The following CNOT4 variants were observed in gnomAD, a reference collection of about 807,000 sequenced individuals.
The protein encoded by CNOT4 is CCR4-associated factor 4.
CNOT4 carries 8 observed loss-of-function variants against 73.8 expected under a neutral mutation model. That is an observed-to-expected ratio of 0.11 (90% CI 0.06 to 0.20). The LOEUF is 0.20. CNOT4 is among the 10% of genes least tolerant of loss of function. The pLI, the probability that CNOT4 is intolerant of heterozygous loss-of-function variation, is 1.00. For missense variants in CNOT4, 564 were observed against 883.4 expected, an observed-to-expected ratio of 0.64 and a Z score of 4.58; for synonymous variants, 293 against 321.1, an observed-to-expected ratio of 0.91 and a Z score of 0.94.
At chr7:135,367,116 C>T (rs1349298247) in intron 10 of CNOT4, among the ~76,000 whole-genome samples, 1 of 152,062 alleles carries the variant, frequency 6.6e-6, no homozygotes, top group Non-Finnish European at 1.5e-5. Flanking sequence ...GTACCAACTC[C>T]CCAGTTTTGA....
chr7:135,478,572 C>T (rs1031892905), intron 1 of CNOT4, among the ~76,000 whole-genome samples: 1 of 151,990 alleles, frequency 6.6e-6, no homozygotes, highest in Non-Finnish European at 1.5e-5. Context: ...CATGGTGGCA[C>T]GTGCCTGTGG....
Position 135,394,116 on chromosome 7 carries a change from G to A in CNOT4, c.1429C>T (p.Pro477Ser), listed in dbSNP as rs757791803. The change falls in exon 10 of 12, where the codon CCT (proline) becomes TCT (serine). Residue 477 changes from proline (P) to serine (S), a missense_variant. Pro to Ser is a moderately conservative substitution (Grantham distance 74, BLOSUM62 -1). Transcript: ENST00000541284. The stretch of plus-strand genomic sequence containing the variant: ...ACCGCTCGGTGCTGCTGAAATTGAG[G>A]GAACCTCTGGGGCAAGACTGAAAAG... Reference protein sequence around the residue: ...STFSVLPQRFPQFQQHRAVYN... With the variant: ...STFSVLPQRFSQFQQHRAVYN... 5.6e-6 allele frequency: 9 copies of A among 1,614,160 alleles called. No homozygotes were observed. The highest frequency in any genetic ancestry group is 3.3e-5 in the Admixed American group (2 of 60,024).
chr7:135,488,343 C>T (rs964110699), intron 1 of CNOT4, among the ~76,000 whole-genome samples: 14 of 152,240 alleles, frequency 9.2e-5, no homozygotes, highest in South Asian at 2.1e-4. Flanking sequence ...GCAAGACAAT[C>T]GTACCACTAC....
chr7:135,438,868 G>A (rs1009096518), intron 1 of CNOT4, among the ~76,000 whole-genome samples: 5 of 152,114 alleles, frequency 3.3e-5, no homozygotes, highest in Non-Finnish European at 1.5e-5. Context: ...ATAGTTACAT[G>A]TTAACATCAA....
chr7:135,448,951 G>T (rs1011305275), intron 1 of CNOT4, among the ~76,000 whole-genome samples: 1 of 152,028 alleles, frequency 6.6e-6, no homozygotes, highest in African/African-American at 2.4e-5. Flanking sequence ...AAGCCTCAGA[G>T]AAATATGAAA....
chr7:135,442,141 T>C (rs1257135338), intron 1 of CNOT4, among the ~76,000 whole-genome samples: 1 of 152,202 alleles, frequency 6.6e-6, no homozygotes, highest in African/African-American at 2.4e-5. Flanking sequence ...CACAAACTTT[T>C]AGGGAATTTC....
intron 10 of CNOT4, among the ~76,000 whole-genome samples, chr7:135,393,213 C>G (rs562750710): frequency 4.6e-5 from 7 of 152,234 alleles, no homozygotes; most frequent in Non-Finnish European, 1.5e-5. Context: ...AGTTCTGAAA[C>G]CTTCAAGGGT....
At chr7:135,456,058 G>C (rs1800512391) in intron 1 of CNOT4, among the ~76,000 whole-genome samples, 1 of 152,188 alleles carries the variant, frequency 6.6e-6, no homozygotes, top group South Asian at 2.1e-4. Context: ...CATTTTTGTT[G>C]AAGGGCTAAA....
chr7:135,419,104 C>T (rs1798032802), intron 3 of CNOT4, among the ~76,000 whole-genome samples: 1 of 151,504 alleles, frequency 6.6e-6, no homozygotes, highest in Admixed American at 6.6e-5. Flanking sequence ...ATCATCATTA[C>T]CTCTATCGTT....
In CNOT4 at chr7:135,413,422, T is replaced by G. The variant is rs550695745; in HGVS notation, c.687+66A>C. On this transcript the variant is annotated intron_variant, in intron 6 of 11. Coordinates refer to ENST00000541284, the MANE Select transcript of CNOT4 (RefSeq NM_001190850.2). ...AAATCCTTAGTTTTTGCTTTTGCAA[T>G]GTTAACTAATAAAAAAAAAAGTACT... 279 of 1,566,468 alleles carry G rather than the reference T, an allele frequency of 1.8e-4. No homozygotes were observed. In the African/African-American group the frequency reaches 3.5e-3, roughly 20 times the overall value.
rs371680830 is a variant in CNOT4, at chr7:135,503,142, G to A, written c.-93+6747C>T. 2.7e-4 allele frequency among the ~76,000 whole-genome samples: 41 copies of A among 150,472 alleles called. No individual in the cohort carries two copies. The East Asian group carries it at 4.3e-3, about 16-fold the overall frequency. Reference sequence around the variant, plus strand: ...CCACTTTAGCCTGGGTGACAGAGTCGGACACCATCTCAAAATAAATAAATA... The same window carrying A: ...CCACTTTAGCCTGGGTGACAGAGTCAGACACCATCTCAAAATAAATAAATA... On this transcript the variant is annotated intron_variant, in intron 1 of 11. Coordinates refer to ENST00000541284, the MANE Select transcript of CNOT4 (RefSeq NM_001190850.2).
chr7:135,390,079 G>T (rs1393320351), intron 10 of CNOT4, among the ~76,000 whole-genome samples: 2 of 152,008 alleles, frequency 1.3e-5, no homozygotes, highest in African/African-American at 2.4e-5. Flanking sequence ...GTAACAATAG[G>T]CCATATACCC....
intron 1 of CNOT4, among the ~76,000 whole-genome samples, chr7:135,440,195 T>C (rs796357849): frequency 1.1e-3 from 129 of 112,264 alleles, no homozygotes; most frequent in African/African-American, 4.1e-3. Context: ...AAAGAAATCC[T>C]ACAAAGCAGT....
At chr7:135,502,883 T>C (rs1457416384) in intron 1 of CNOT4, among the ~76,000 whole-genome samples, 7 of 150,790 alleles carry the variant, frequency 4.6e-5, no homozygotes, top group Non-Finnish European at 1.5e-5. Context: ...CAGGGCACAG[T>C]GGCTCACGTC....
chr7:135,443,354 C>CA (rs756247803), intron 1 of CNOT4, among the ~76,000 whole-genome samples: 1,980 of 110,378 alleles, frequency 0.018, 75 homozygotes, highest in Admixed American at 0.11. Flanking sequence ...GATCCTGTCA[C>CA]AAAAAAAAAA....
At chr7:135,470,571 TAAA>T (rs34649236) in intron 1 of CNOT4, among the ~76,000 whole-genome samples, 1 of 145,754 alleles carries the variant, frequency 6.9e-6, no homozygotes, top group East Asian at 2.0e-4. Flanking sequence ...GACTCTGTCT[TAAA>T]AAAAAAAAAA....
chr7:135,432,511 CTTTTAA>C (rs1798906440), intron 2 of CNOT4, among the ~76,000 whole-genome samples: 3 of 152,170 alleles, frequency 2.0e-5, no homozygotes, highest in Non-Finnish European at 4.4e-5. Flanking sequence ...ACCAAGTATT[CTTTTAA>C]TTTTATCTTT....
At chr7:135,493,620 C>T (rs977597441) in intron 1 of CNOT4, among the ~76,000 whole-genome samples, 1 of 151,884 alleles carries the variant, frequency 6.6e-6, no homozygotes, top group African/African-American at 2.4e-5. Context: ...ATGAGTATCA[C>T]CTAGGAGACT....
rs141954560 is a variant in CNOT4, at chr7:135,444,305, A to G, written c.-92-5882T>C. Among the ~76,000 whole-genome samples, 1,142 of 152,276 alleles carry G rather than the reference A, an allele frequency of 7.5e-3. 7 individuals are homozygous for G. The highest frequency in any genetic ancestry group is 0.011 in the Non-Finnish European group (739 of 68,010). On this transcript the variant is annotated intron_variant, in intron 1 of 11. Coordinates refer to ENST00000541284, the MANE Select transcript of CNOT4 (RefSeq NM_001190850.2). ...AAGAACTGAAAGGACTTGAACAGAT[A>G]CTTGTGCACCAGTGTTCCTAACAGT...
Sources: allele counts gnomAD v4.1 joint callset (sites outside exome capture counted in the v4.1 genomes callset), GRCh38; gene constraint gnomAD v4.1.1; transcripts MANE v1.5; gene names NCBI Gene and HGNC (gene_info 2026-07-23, HGNC 2026-07-21).